ITGA6: variants seen among roughly 807,000 people sequenced by gnomAD.
The protein encoded by ITGA6 is integrin subunit alpha 6, also known as integrin alpha-6.
In ITGA6, 63 loss-of-function variants were observed where a neutral mutation model predicts 133.6. That is an observed-to-expected ratio of 0.47 (90% CI 0.38 to 0.58). ITGA6 has a LOEUF of 0.58. Ranked by LOEUF, ITGA6 falls within the 20% of genes least tolerant of loss-of-function variation. ITGA6 has a pLI of 0.00. For synonymous variants in ITGA6, 434 were observed against 482.0 expected, an observed-to-expected ratio of 0.90 and a Z score of 1.30; for missense variants, 1,068 against 1,309.4, an observed-to-expected ratio of 0.82 and a Z score of 2.85.
Position 172,453,922 on chromosome 2 carries a change from A to G in ITGA6, c.183-11617A>G, listed in dbSNP as rs146366748. Among the ~76,000 whole-genome samples the G allele has an allele frequency of 5.9e-4, 90 of 152,290 alleles. 1 individual carries two copies. The highest frequency in any genetic ancestry group is 2.0e-3 in the African/African-American group (83 of 41,572). On this transcript the variant is annotated intron_variant, in intron 1 of 25. Transcript: ENST00000684293. Reference sequence around the variant, plus strand: ...AAGGACAGGTGTGGCCCCTGCCCCCATGGAGCTGACCTTCTGGGGAGGGAG... The same window carrying G: ...AAGGACAGGTGTGGCCCCTGCCCCCGTGGAGCTGACCTTCTGGGGAGGGAG...
chr2:172,438,573 T>A (rs189276832), intron 1 of ITGA6, among the ~76,000 whole-genome samples: 1 of 151,862 alleles, frequency 6.6e-6, no homozygotes, highest in East Asian at 1.9e-4. Context: ...AAATTACTTA[T>A]CTTCATTGGT....
At chr2:172,464,291 CA>C (rs1264589086) in intron 1 of ITGA6, 1 of 152,188 alleles carries the variant, frequency 6.6e-6, no homozygotes, top group East Asian at 1.9e-4. Flanking sequence ...TATTGGGACC[CA>C]ACAGGCATGA....
At chr2:172,435,708 C>G (rs1684293972) in intron 1 of ITGA6, among the ~76,000 whole-genome samples, 1 of 148,596 alleles carries the variant, frequency 6.7e-6, no homozygotes, top group South Asian at 2.1e-4. Context: ...CTCACTGCAG[C>G]CTTGACCTCC....
chr2:172,429,186 T>C (rs1684006971), intron 1 of ITGA6, among the ~76,000 whole-genome samples: 1 of 152,092 alleles, frequency 6.6e-6, no homozygotes, highest in Admixed American at 6.5e-5. Context: ...TTTTTTTTTT[T>C]TTCTGATAAC....
At chr2:172,443,256 G>A (rs1684616729) in intron 1 of ITGA6, among the ~76,000 whole-genome samples, 1 of 152,068 alleles carries the variant, frequency 6.6e-6, no homozygotes, top group South Asian at 2.1e-4. Flanking sequence ...TAAATAAAGA[G>A]CTTCCTTATT....
chr2:172,428,130 C>G, intron 1 of ITGA6, 160 bp downstream of exon 1: 1 of 462,168 alleles, frequency 2.2e-6, no homozygotes, highest in Non-Finnish European at 3.3e-6. Flanking sequence ...CTCGGCTCCC[C>G]GCCCTGACCC....
intron 25 of ITGA6, among the ~76,000 whole-genome samples, chr2:172,503,220 A>G (rs1687419379): frequency 6.6e-6 from 1 of 152,020 alleles, no homozygotes; most frequent in African/African-American, 2.4e-5. Flanking sequence ...CCTTTTTTTA[A>G]AAAAAGTAAA....
chr2:172,494,839 A>T (rs1380752997), intron 23 of ITGA6, among the ~76,000 whole-genome samples: 1 of 152,216 alleles, frequency 6.6e-6, no homozygotes, highest in African/African-American at 2.4e-5. Context: ...ATCCCTAAGG[A>T]AGCAAGTAGA....
chr2:172,450,690 C>G (rs574858011), intron 1 of ITGA6, among the ~76,000 whole-genome samples: 2 of 151,372 alleles, frequency 1.3e-5, no homozygotes, highest in African/African-American at 4.8e-5. Flanking sequence ...CATGGTGCCT[C>G]AAGCCTGTAA....
chr2:172,467,275 T>G (rs765077476), intron 2 of ITGA6, among the ~76,000 whole-genome samples: 2 of 152,214 alleles, frequency 1.3e-5, no homozygotes, highest in Non-Finnish European at 2.9e-5. Flanking sequence ...CTAAGTACTT[T>G]ATGTTTCAAA....
chr2:172,441,567 A>T (rs1297696984), intron 1 of ITGA6, among the ~76,000 whole-genome samples: 1 of 77,064 alleles, frequency 1.3e-5, no homozygotes, highest in East Asian at 1.1e-3. Context: ...TTTAAAAAAA[A>T]AAAAAAAAAA....
intron 1 of ITGA6, among the ~76,000 whole-genome samples, chr2:172,453,215 C>CA (rs1369381977): frequency 2.0e-5 from 3 of 151,836 alleles, no homozygotes; most frequent in African/African-American, 2.4e-5. Flanking sequence ...AACTGTTACA[C>CA]AATTTTTTTT....
chr2:172,441,518 T>G (rs1187821498), intron 1 of ITGA6, among the ~76,000 whole-genome samples: 1 of 133,342 alleles, frequency 7.5e-6, no homozygotes, highest in East Asian at 2.1e-4. Context: ...ATTGTGTCAC[T>G]GCACTCCAGC....
At chr2:172,475,274 C>T (rs1686120843) in intron 7 of ITGA6, 152 bp downstream of exon 7, 2 of 665,012 alleles carry the variant, frequency 3.0e-6, no homozygotes, top group South Asian at 1.6e-5. Context: ...TCGAGACCAG[C>T]CTGACCAACA....
At chr2:172,464,757 T>C (rs1028808245) in intron 1 of ITGA6, among the ~76,000 whole-genome samples, 1 of 152,134 alleles carries the variant, frequency 6.6e-6, no homozygotes, top group African/African-American at 2.4e-5. Flanking sequence ...GCCTAGTACA[T>C]AAGTGGAGCT....
Position 172,491,043 on chromosome 2 carries a change from A to G in ITGA6, c.2699A>G (p.Lys900Arg). 5 of 1,581,294 alleles carry G rather than the reference A, an allele frequency of 3.2e-6. No homozygotes were observed. The highest frequency in any genetic ancestry group is 4.3e-6 in the Non-Finnish European group (5 of 1,150,914). ...LNLTESHNSR[K>R]KREITEKQID... ...TTTCAGGAGTCTCACAACTCAAGAA[A>G]GAAACGGGAAATTACTGAAAAACAG... The change falls in exon 21 of 26, where the codon AAG (lysine) becomes AGG (arginine). Residue 900 changes from lysine to arginine, a missense_variant. This residue lies in a region of ITGA6 where 609 missense variants were observed against 707.2 expected (regional missense o/e 0.86). Coordinates refer to ENST00000684293, the MANE Select transcript of ITGA6 (RefSeq NM_000210.4). The surrounding 1 kb of genome is among the most constrained non-coding windows in gnomAD (Gnocchi z 4.4).
intron 1 of ITGA6, among the ~76,000 whole-genome samples, chr2:172,445,663 AAAAG>A (rs1553527993): frequency 6.6e-6 from 1 of 151,466 alleles, no homozygotes; most frequent in Non-Finnish European, 1.5e-5. Flanking sequence ...AAAAAAAAAA[AAAAG>A]AAAAAAAAAA....
chr2:172,462,464 A>G (rs1685468554), intron 1 of ITGA6, among the ~76,000 whole-genome samples: 2 of 151,898 alleles, frequency 1.3e-5, no homozygotes, highest in Admixed American at 1.3e-4. Flanking sequence ...TTTTTCCCCA[A>G]ACCAGCCTGC....
In ITGA6 at chr2:172,464,644, C is replaced by T. The variant is rs147500221; in HGVS notation, c.183-895C>T. On this transcript the variant is annotated intron_variant, in intron 1 of 25. Transcript: ENST00000684293. ...GTCATTGGATCTCTAAAGAGCCTGTCAAGCTGTGAGATGGTGAAATTTTAA... is the reference window on the plus strand; with the variant it reads ...GTCATTGGATCTCTAAAGAGCCTGTTAAGCTGTGAGATGGTGAAATTTTAA... 799 of 152,364 alleles carry T rather than the reference C, an allele frequency of 5.2e-3. 4 individuals are homozygous for T. Among genetic ancestry groups the T allele is most frequent in the African/African-American group, 0.018 (756 of 41,548 alleles). 9.4% of individuals were successfully genotyped at this position (152,364 alleles called of 1,614,324 possible). A position where few individuals can be genotyped will look rare whatever the true frequency, so the allele number is the denominator to read the frequency against.
Sources: gnomAD v4.1 joint callset for allele counts (sites outside exome capture counted in the v4.1 genomes callset) on GRCh38, gnomAD v4.1.1 for gene constraint, gnomAD v4.1.1 regional missense constraint, Gnocchi (gnomAD v3.1) non-coding constraint, MANE v1.5 for transcripts, NCBI Gene and HGNC (gene_info 2026-07-23, HGNC 2026-07-21) for gene names.